ARHGAP44: variants seen among roughly 807,000 people sequenced by gnomAD.
ARHGAP44 encodes rho GTPase-activating protein 44.
In ARHGAP44, 43 loss-of-function variants were observed where a neutral mutation model predicts 106.8. The ratio of observed to expected loss-of-function variants is 0.40; its 90% CI spans 0.32 to 0.52. The LOEUF is 0.52. ARHGAP44 is among the 20% of genes least tolerant of loss of function. The pLI is 0.48. For synonymous variants in ARHGAP44, 439 were observed against 410.3 expected, an observed-to-expected ratio of 1.07 and a Z score of -0.85; for missense variants, 866 against 1,050.5, an observed-to-expected ratio of 0.82 and a Z score of 2.43.
chr17:12,898,159 G>A (rs1046247682), intron 3 of ARHGAP44, among the ~76,000 whole-genome samples: 1 of 152,132 alleles, frequency 6.6e-6, no homozygotes, highest in Non-Finnish European at 1.5e-5. Context: ...CAGAGCCTTT[G>A]TTGTGGTGTC....
In ARHGAP44 at chr17:12,903,126, G is replaced by GAGA. The variant is rs57334058; in HGVS notation, c.199-5771_199-5770insAGA. On this transcript the variant is annotated intron_variant, in intron 3 of 20. Transcript: ENST00000379672. The stretch of plus-strand genomic sequence containing the variant: ...AGAGAGAGAGAGAGAGAGAGAGAGA[G>GAGA]GAGAGAGAGAGAGAGTGTGTGTGTG... Among the ~76,000 whole-genome samples, 114 of 70,154 alleles carry GAGA rather than the reference G, an allele frequency of 1.6e-3. No homozygotes were observed. The East Asian group carries it at 0.02, about 12-fold the overall frequency. The allele number at this position is 70,154 out of a possible 152,430, so 46.0% of individuals were successfully genotyped here. A position where few individuals can be genotyped will look rare whatever the true frequency, so the allele number is the denominator to read the frequency against.
intron 3 of ARHGAP44, among the ~76,000 whole-genome samples, chr17:12,903,651 A>C (rs532663718): frequency 1.9e-4 from 29 of 152,274 alleles, no homozygotes; most frequent in African/African-American, 6.5e-4. Flanking sequence ...TGGTTACATG[A>C]GTAAGTTCTT....
At chr17:12,804,420 A>G (rs2034210948) in intron 1 of ARHGAP44, among the ~76,000 whole-genome samples, 1 of 152,198 alleles carries the variant, frequency 6.6e-6, no homozygotes, top group Non-Finnish European at 1.5e-5. Flanking sequence ...ACGTGGGGAT[A>G]GCCTCGCCTA....
intron 3 of ARHGAP44, among the ~76,000 whole-genome samples, chr17:12,906,718 T>C (rs1166281962): frequency 6.6e-6 from 1 of 152,092 alleles, no homozygotes; most frequent in Non-Finnish European, 1.5e-5. Flanking sequence ...GAGGATTGCT[T>C]GAGCCGAGGA....
chr17:12,862,866 T>G (rs1968091), intron 1 of ARHGAP44, among the ~76,000 whole-genome samples: 1 of 151,712 alleles, frequency 6.6e-6, no homozygotes, highest in Admixed American at 6.6e-5. Flanking sequence ...CTGGGAGTGG[T>G]GGTATACACC....
At chr17:12,977,669 C>T (rs2039720181) in intron 18 of ARHGAP44, among the ~76,000 whole-genome samples, 2 of 152,156 alleles carry the variant, frequency 1.3e-5, no homozygotes, top group South Asian at 2.1e-4. Context: ...CCCCACCTCT[C>T]CCCACTGGGT....
intron 16 of ARHGAP44, among the ~76,000 whole-genome samples, chr17:12,967,932 T>C (rs895200979): frequency 1.2e-4 from 19 of 152,198 alleles, no homozygotes; most frequent in African/African-American, 4.6e-4. Context: ...GGAATCAGGC[T>C]CCCTCTGAGT....
chr17:12,891,313 C>T (rs1301574038), intron 1 of ARHGAP44, among the ~76,000 whole-genome samples: 1 of 152,158 alleles, frequency 6.6e-6, no homozygotes, highest in African/African-American at 2.4e-5. Flanking sequence ...TAAATGAATA[C>T]TATGGTCTCT....
chr17:12,920,404 G>A (rs1211912776), intron 6 of ARHGAP44, among the ~76,000 whole-genome samples: 5 of 150,072 alleles, frequency 3.3e-5, no homozygotes, highest in Non-Finnish European at 7.4e-5. Context: ...AGTAACACAG[G>A]GTAGTTTTGG....
intron 1 of ARHGAP44, among the ~76,000 whole-genome samples, chr17:12,880,549 A>G (rs2036696988): frequency 1.3e-5 from 2 of 151,964 alleles, no homozygotes; most frequent in Non-Finnish European, 2.9e-5. Context: ...AGAGTCACTC[A>G]TGTTGTTTGG....
intron 2 of ARHGAP44, 106 bp from the exon 3 acceptor site, chr17:12,896,301 A>T: frequency 1.2e-6 from 1 of 858,264 alleles, no homozygotes; most frequent in Non-Finnish European, 1.8e-6. Context: ...TCTCTCCAGG[A>T]GTCCTTGTCT....
At chr17:12,852,649 C>T (rs1484543177) in intron 1 of ARHGAP44, among the ~76,000 whole-genome samples, 3 of 151,244 alleles carry the variant, frequency 2.0e-5, no homozygotes, top group Non-Finnish European at 4.4e-5. Context: ...TCACGCCGTT[C>T]TCCTGCCTCA....
intron 16 of ARHGAP44, among the ~76,000 whole-genome samples, chr17:12,959,407 T>C (rs1288655128): frequency 6.6e-6 from 1 of 152,234 alleles, no homozygotes; most frequent in Non-Finnish European, 1.5e-5. Flanking sequence ...TTTTCCTATC[T>C]TTTATTATTA....
At position 12,919,510 on chromosome 17, in the gene ARHGAP44, C is replaced by A. The variant is rs149430006; in HGVS notation, c.388-245C>A. On this transcript the variant is annotated intron_variant, in intron 5 of 20. Coordinates refer to ENST00000379672, the MANE Select transcript of ARHGAP44 (RefSeq NM_014859.6). ...AAGTGATTCTTCTGCCTCAGACTCC[C>A]GAGTAACTGGAATTACAGGCGCATG... Among the ~76,000 whole-genome samples the A allele has an allele frequency of 7.3e-3, 1,115 of 151,934 alleles. 10 individuals carry two copies. The highest frequency in any genetic ancestry group is 0.027 in the Middle Eastern group (8 of 294).
chr17:12,889,899 A>T (rs1392369722), intron 1 of ARHGAP44, among the ~76,000 whole-genome samples: 9 of 152,262 alleles, frequency 5.9e-5, no homozygotes, highest in Non-Finnish European at 1.3e-4. Context: ...ACTGGTTCCA[A>T]CTAAGTCCAA....
chr17:12,850,339 A>G (rs558339894), intron 1 of ARHGAP44, among the ~76,000 whole-genome samples: 7 of 151,810 alleles, frequency 4.6e-5, no homozygotes, highest in African/African-American at 1.7e-4. Context: ...CATTAATGGG[A>G]CCTCACTTTA....
At chr17:12,910,547 C>G (rs1467809280) in intron 4 of ARHGAP44, among the ~76,000 whole-genome samples, 3 of 142,464 alleles carry the variant, frequency 2.1e-5, no homozygotes, top group African/African-American at 7.8e-5. Context: ...ATCCCGGGTG[C>G]AAGGGATTCT....
At chr17:12,983,228 G>A (rs180744739) in intron 19 of ARHGAP44, among the ~76,000 whole-genome samples, 366 of 135,242 alleles carry the variant, frequency 2.7e-3, no homozygotes, top group African/African-American at 0.01. Flanking sequence ...TCGCGCCACT[G>A]CACTCCAGCC....
intron 1 of ARHGAP44, among the ~76,000 whole-genome samples, chr17:12,881,453 A>C (rs1486517155): frequency 6.6e-6 from 1 of 151,994 alleles, no homozygotes; most frequent in East Asian, 1.9e-4. Flanking sequence ...CCCCAATCTT[A>C]GATAACACTT....
Sources: allele counts gnomAD v4.1 joint callset (sites outside exome capture counted in the v4.1 genomes callset), GRCh38; gene constraint gnomAD v4.1.1; transcripts MANE v1.5; gene names NCBI Gene and HGNC (gene_info 2026-07-23, HGNC 2026-07-21).